The following PADI4 variants were observed in gnomAD, a reference collection of about 807,000 sequenced individuals.
The protein encoded by PADI4 is peptidyl arginine deiminase 4, also known as protein-arginine deiminase type-4.
A neutral mutation model predicts 75.0 loss-of-function variants in PADI4; 62 were observed. The observed-to-expected ratio is 0.83, with a 90% CI of 0.67 to 1.02. The LOEUF (loss-of-function observed/expected upper bound fraction) is 1.02. Among genes scored for constraint, PADI4 ranks in the 50% least tolerant of loss-of-function variants. PADI4 has a pLI of 0.00. For synonymous variants in PADI4, 361 were observed against 348.1 expected (o/e 1.04, Z -0.41); for missense variants, 845 against 850.5 (o/e 0.99, Z 0.08).
chr1:17,355,504 G>T (rs1256812158), intron 11 of PADI4, among the ~76,000 whole-genome samples: 1 of 150,050 alleles, frequency 6.7e-6, no homozygotes, highest in South Asian at 2.1e-4. Flanking sequence ...AGCCGAGATT[G>T]TGCCAGCCTG....
chr1:17,357,455 C>A (rs1237545279), intron 13 of PADI4, among the ~76,000 whole-genome samples: 1 of 152,162 alleles, frequency 6.6e-6, no homozygotes. Context: ...GCATGAGCCA[C>A]CACGCCTGGC....
At chr1:17,309,974 G>GT (rs932967941) in intron 1 of PADI4, among the ~76,000 whole-genome samples, 11 of 152,128 alleles carry the variant, frequency 7.2e-5, no homozygotes, top group Non-Finnish European at 1.5e-4. Flanking sequence ...CCCTAGAGAG[G>GT]TGGGTGGACA....
chr1:17,332,950 G>A (rs2074240722), intron 2 of PADI4, among the ~76,000 whole-genome samples: 1 of 152,178 alleles, frequency 6.6e-6, no homozygotes, highest in African/African-American at 2.4e-5. Context: ...AGAAAAGGGT[G>A]AGACACGTGT....
chr1:17,313,518 A>AAAT (rs2073877793), intron 1 of PADI4, among the ~76,000 whole-genome samples: 1 of 151,282 alleles, frequency 6.6e-6, no homozygotes, highest in Non-Finnish European at 1.5e-5. Flanking sequence ...AAAAAAAAAA[A>AAAT]AAAGGAAAGG....
chr1:17,355,294 G>A (rs968862676), intron 11 of PADI4, among the ~76,000 whole-genome samples: 2 of 152,230 alleles, frequency 1.3e-5, no homozygotes, highest in Non-Finnish European at 2.9e-5. Flanking sequence ...GCTCACACCT[G>A]TAATCCCAGC....
chr1:17,342,832 C>T (rs375357551), intron 8 of PADI4, among the ~76,000 whole-genome samples: 18 of 152,212 alleles, frequency 1.2e-4, no homozygotes, highest in East Asian at 5.8e-4. Context: ...AAAAATTGGC[C>T]GGGCGTGGTG....
At chr1:17,313,547 G>GGAAAGAAA (rs1403671777) in intron 1 of PADI4, among the ~76,000 whole-genome samples, 1 of 142,368 alleles carries the variant, frequency 7.0e-6, no homozygotes, top group South Asian at 2.3e-4. Context: ...AAGGAAAGAA[G>GGAAAGAAA]GAAAGAAAGA....
At chr1:17,313,985 G>A (rs2073890609) in intron 1 of PADI4, among the ~76,000 whole-genome samples, 2 of 152,274 alleles carry the variant, frequency 1.3e-5, no homozygotes, top group South Asian at 4.2e-4. Flanking sequence ...TCTTAGAATC[G>A]AATCCCAGTG....
chr1:17,348,029 T>C lies in PADI4; in HGVS notation c.1136T>C (p.Phe379Ser). 1.2e-6 allele frequency: 2 copies of C among 1,611,322 alleles called. No homozygotes were observed. Among genetic ancestry groups the C allele is most frequent in the South Asian group, 1.1e-5 (1 of 90,956 alleles). The change falls in exon 10 of 16, where the codon TTT becomes TCT. Residue 379 changes from phenylalanine to serine, a missense_variant. Physicochemically the swap from Phe to Ser is radical, Grantham distance 155. Coordinates refer to ENST00000375448, the MANE Select transcript of PADI4 (RefSeq NM_012387.3). ...DSPRNRGLKE[F>S]PIKRVMGPDF... ...CCAAGGAACAGAGGCCTGAAGGAGT[T>C]TCCCATCAAACGCGTGATGGTACCT...
In PADI4 at chr1:17,352,355, T is replaced by A. The variant is rs147279195; in HGVS notation, c.1156-2178T>A. Among the ~76,000 whole-genome samples, 405 of 152,216 alleles carry A rather than the reference T, an allele frequency of 2.7e-3. 1 individual carries two copies. The highest frequency in any genetic ancestry group is 9.3e-3 in the African/African-American group (388 of 41,518). On this transcript the variant is annotated intron_variant, in intron 10 of 15. Coordinates refer to ENST00000375448, the MANE Select transcript of PADI4 (RefSeq NM_012387.3). ...ACCGGATGGGGTTGGGCTTGTTGGC[T>A]ACTGTTAAGGCTGCTTGTTTAGAAA...
intron 3 of PADI4, chr1:17,334,307 AT>A (rs34965359): frequency 0.012 from 4,098 of 340,398 alleles, 14 homozygotes; most frequent in African/African-American, 0.027. Context: ...ATCTCCATTA[AT>A]TTTTTTTTTT....
At chr1:17,353,928 T>C (rs543477597) in intron 10 of PADI4, among the ~76,000 whole-genome samples, 69 of 152,168 alleles carry the variant, frequency 4.5e-4, no homozygotes, top group Admixed American at 8.5e-4. Context: ...TTCACACTTC[T>C]GGCCTCCAGA....
At chr1:17,310,190 G>A (rs962102529) in intron 1 of PADI4, among the ~76,000 whole-genome samples, 1 of 151,970 alleles carries the variant, frequency 6.6e-6, no homozygotes, top group African/African-American at 2.4e-5. Context: ...CAATGGCCTT[G>A]GGAGGCAGGT....
intron 3 of PADI4, 136 bp downstream of exon 3, chr1:17,334,145 A>T (rs749974466): frequency 2.5e-5 from 16 of 645,190 alleles, no homozygotes; most frequent in Non-Finnish European, 4.5e-5. Context: ...GTTTCTAGCC[A>T]GTCAGACATC....
rs566356002 is a variant in PADI4, at chr1:17,316,598, G to C, written c.92+8284G>C. On this transcript the variant is annotated intron_variant, in intron 1 of 15. Transcript: ENST00000375448. ...CCAGCTACTTGGGAGGCTGAGGCAG[G>C]AGAATGGCATGAACCTGGGAGGTGG... 3.3e-5 allele frequency among the ~76,000 whole-genome samples: 5 copies of C among 151,734 alleles called. No homozygotes were observed. In the East Asian group the frequency reaches 9.7e-4, roughly 29 times the overall value.
At position 17,356,210 on chromosome 1, in the gene PADI4, T is replaced by C. The variant is rs1260558111; in HGVS notation, c.1455+83T>C. The C allele has an allele frequency of 2.0e-6, 3 of 1,483,588 alleles. No homozygotes were observed. The African/African-American group carries it at 4.2e-5, about 21-fold the overall frequency. The allele number at this position is 1,483,588 out of a possible 1,614,324, so 91.9% of individuals were successfully genotyped here. A position where few individuals can be genotyped will look rare whatever the true frequency, so the allele number is the denominator to read the frequency against. On this transcript the variant is annotated intron_variant, in intron 12 of 15. Transcript: ENST00000375448. The surrounding 1 kb of genome is among the most constrained non-coding windows in gnomAD (Gnocchi z 4.1). ...CCTGGGGTGGGAGCAACTTTACTTG[T>C]CTATTTCTCCTTCACCCTTAGGATG... is the stretch of plus-strand genomic sequence containing the variant.
intron 4 of PADI4, 52 bp downstream of exon 4, chr1:17,336,278 C>G (rs1281119617): frequency 2.0e-6 from 3 of 1,465,954 alleles, no homozygotes; most frequent in Non-Finnish European, 2.9e-6. Context: ...TCTCCCCGGG[C>G]GCCCCCTTGT....
intron 1 of PADI4, among the ~76,000 whole-genome samples, chr1:17,324,759 C>T (rs2074092331): frequency 6.6e-6 from 1 of 152,226 alleles, no homozygotes; most frequent in Non-Finnish European, 1.5e-5. Flanking sequence ...TTCTGACTTT[C>T]ACATTTAAGT....
intron 1 of PADI4, among the ~76,000 whole-genome samples, chr1:17,330,460 C>G (rs961656906): frequency 2.6e-4 from 40 of 152,202 alleles, no homozygotes; most frequent in Admixed American, 2.2e-3. Context: ...AAGAGAGAAG[C>G]TGGCAGTGGC....
Sources: allele counts gnomAD v4.1 joint callset (sites outside exome capture counted in the v4.1 genomes callset), GRCh38; gene constraint gnomAD v4.1.1; non-coding constraint Gnocchi (gnomAD v3.1); transcripts MANE v1.5; gene names NCBI Gene and HGNC (gene_info 2026-07-23, HGNC 2026-07-21).